The following SLC4A4 variants were observed in gnomAD, a reference collection of about 807,000 sequenced individuals.
SLC4A4 encodes the protein solute carrier family 4 member 4.
Under a neutral mutation model 111.5 loss-of-function variants are expected in SLC4A4, and 27 were observed. The observed-to-expected ratio is 0.24, with a 90% CI of 0.18 to 0.33. The LOEUF is 0.33. SLC4A4 is among the 10% of genes least tolerant of loss of function. The pLI is 1.00. For synonymous variants in SLC4A4, 443 were observed against 463.4 expected (o/e 0.96, Z 0.57); for missense variants, 909 against 1,315.5 (o/e 0.69, Z 4.78).
chr4:71,459,337 A>C (rs1464065762), intron 12 of SLC4A4, among the ~76,000 whole-genome samples: 1 of 151,986 alleles, frequency 6.6e-6, no homozygotes, highest in Non-Finnish European at 1.5e-5. Flanking sequence ...CCAAAAATCC[A>C]AAAAAATTAC....
At chr4:71,413,737 T>C (rs1162952310) in intron 7 of SLC4A4, among the ~76,000 whole-genome samples, 2 of 152,220 alleles carry the variant, frequency 1.3e-5, no homozygotes, top group African/African-American at 4.8e-5. Context: ...TATTAACTTC[T>C]CTGGTCCTCA....
At chr4:71,236,293 A>G (rs1578646727) in intron 1 of SLC4A4, 1 of 1,026,948 alleles carries the variant, frequency 9.7e-7, no homozygotes, top group Admixed American at 4.9e-5. Context: ...CCTAAAGGGG[A>G]GAGCCCCCAA....
At chr4:71,464,734 G>T (rs561029472) in intron 12 of SLC4A4, among the ~76,000 whole-genome samples, 1 of 152,098 alleles carries the variant, frequency 6.6e-6, no homozygotes, top group South Asian at 2.1e-4. Flanking sequence ...ATTTTTGTTT[G>T]TTTTCTGAAT....
intron 1 of SLC4A4, among the ~76,000 whole-genome samples, chr4:71,192,150 ATAC>A (rs1745761105): frequency 6.6e-6 from 1 of 152,124 alleles, no homozygotes; most frequent in Admixed American, 6.5e-5. Flanking sequence ...ATTCTTCTTA[ATAC>A]TATTTGCAAG....
intron 2 of SLC4A4, among the ~76,000 whole-genome samples, chr4:71,140,128 A>C (rs893760464): frequency 6.6e-6 from 1 of 152,182 alleles, no homozygotes; most frequent in African/African-American, 2.4e-5. Flanking sequence ...GAATAAACAA[A>C]ATCTCTGCTG....
chr4:71,271,041 G>T (rs6831691), intron 3 of SLC4A4, among the ~76,000 whole-genome samples: 1 of 152,002 alleles, frequency 6.6e-6, no homozygotes, highest in African/African-American at 2.4e-5. Context: ...GGCTGCTGTG[G>T]GTGCCCACCA....
chr4:71,506,226 T>A (rs1731404873), intron 16 of SLC4A4, among the ~76,000 whole-genome samples: 1 of 152,172 alleles, frequency 6.6e-6, no homozygotes, highest in Non-Finnish European at 1.5e-5. Context: ...GTGAAGAATA[T>A]CAATAGTATT....
In SLC4A4 at chr4:71,332,991, G is replaced by A. The variant is rs77996134; in HGVS notation, c.254-6379G>A. 5.4e-3 allele frequency among the ~76,000 whole-genome samples: 824 copies of A among 152,326 alleles called. 24 individuals are homozygous for A. Among genetic ancestry groups the A allele is most frequent in the East Asian group, 0.051 (263 of 5,178 alleles). Reference sequence around the variant, plus strand: ...GAATTCTCTGTCTGAAAGGTCATATGTCTCTGTTACTTGGGATTGGTCATT... The same window carrying A: ...GAATTCTCTGTCTGAAAGGTCATATATCTCTGTTACTTGGGATTGGTCATT... On this transcript the variant is annotated intron_variant, in intron 3 of 25. Transcript: ENST00000264485.
intron 3 of SLC4A4, among the ~76,000 whole-genome samples, chr4:71,258,203 C>G (rs947365599): frequency 6.6e-6 from 1 of 152,172 alleles, no homozygotes; most frequent in Non-Finnish European, 1.5e-5. Flanking sequence ...ATTGGAGTTC[C>G]TTGGTGCTAA....
intron 2 of SLC4A4, among the ~76,000 whole-genome samples, chr4:71,099,399 A>G (rs1044361542): frequency 5.3e-5 from 8 of 152,162 alleles, no homozygotes; most frequent in Admixed American, 2.6e-4. Context: ...TTTGAAACTA[A>G]TGAGAACAAA....
intron 3 of SLC4A4, among the ~76,000 whole-genome samples, chr4:71,330,960 GC>G (rs1727930907): frequency 1.3e-5 from 2 of 152,252 alleles, no homozygotes; most frequent in Non-Finnish European, 1.5e-5. Context: ...CATTTATGCA[GC>G]CAACAGGCAC....
chr4:71,445,730 A>G (rs1449891579), intron 8 of SLC4A4, among the ~76,000 whole-genome samples: 1 of 152,308 alleles, frequency 6.6e-6, no homozygotes, highest in African/African-American at 2.4e-5. Context: ...ATGTTTCTCA[A>G]TGGGATTAAA....
At chr4:71,368,608 A>G (rs1731560126) in intron 6 of SLC4A4, among the ~76,000 whole-genome samples, 1 of 152,086 alleles carries the variant, frequency 6.6e-6, no homozygotes, top group Non-Finnish European at 1.5e-5. Flanking sequence ...CTAATACGAC[A>G]CCCTGCCCCC....
intron 15 of SLC4A4, among the ~76,000 whole-genome samples, chr4:71,489,452 ATAGTAC>A (rs10523204): frequency 0.1 from 15,182 of 151,710 alleles, 1,405 homozygotes; most frequent in East Asian, 0.43. Context: ...CGGGATGGTA[ATAGTAC>A]TTATCTCAAA....
At chr4:71,084,563 C>G (rs1291476461) in intron 1 of SLC4A4, among the ~76,000 whole-genome samples, 2 of 151,936 alleles carry the variant, frequency 1.3e-5, no homozygotes, top group Admixed American at 1.3e-4. Context: ...CCTGCCCCCA[C>G]TGCACAACAG....
Position 71,571,127 on chromosome 4 carries a change from T to G in SLC4A4, c.*3376T>G, listed in dbSNP as rs1273076195. The G allele has an allele frequency of 6.6e-6, 1 of 152,256 alleles. No individual in the cohort carries two copies. Among genetic ancestry groups the G allele is most frequent in the Non-Finnish European group, 1.5e-5 (1 of 67,860 alleles). The allele number at this position is 152,256 out of a possible 1,614,324, so 9.4% of individuals were successfully genotyped here. A position where few individuals can be genotyped will look rare whatever the true frequency, so the allele number is the denominator to read the frequency against. On this transcript the variant is annotated 3_prime_UTR_variant, in exon 26 of 26. Transcript: ENST00000264485. ...ATAGAGAATGATTGTCTTCCGAGTT[T>G]TTTGGTTCCTTTTTTAACTGTGTTA... is the stretch of plus-strand genomic sequence containing the variant.
intron 2 of SLC4A4, among the ~76,000 whole-genome samples, chr4:71,098,091 T>C (rs1017407603): frequency 1.3e-5 from 2 of 152,206 alleles, no homozygotes; most frequent in Non-Finnish European, 2.9e-5. Context: ...TGTCATGAAG[T>C]ATTTGCCTGT....
At chr4:71,373,404 CT>C (rs1732059896) in intron 6 of SLC4A4, among the ~76,000 whole-genome samples, 1 of 152,168 alleles carries the variant, frequency 6.6e-6, no homozygotes, top group South Asian at 2.1e-4. Context: ...GAGAGACAGA[CT>C]TTTCAATGGA....
chr4:71,508,001 A>C (rs762112143), intron 16 of SLC4A4, among the ~76,000 whole-genome samples: 11 of 152,322 alleles, frequency 7.2e-5, no homozygotes, highest in Non-Finnish European at 1.6e-4. Context: ...GAAAATAATG[A>C]AATTAAGGCA....
Sources: allele counts gnomAD v4.1 joint callset (sites outside exome capture counted in the v4.1 genomes callset), GRCh38; gene constraint gnomAD v4.1.1; transcripts MANE v1.5; gene names NCBI Gene and HGNC (gene_info 2026-07-23, HGNC 2026-07-21).